KCNT1: variants seen among roughly 807,000 people sequenced by gnomAD.
KCNT1 encodes potassium sodium-activated channel subfamily T member 1.
Under a neutral mutation model 147.8 loss-of-function variants are expected in KCNT1, and 78 were observed. The ratio of observed to expected loss-of-function variants is 0.53; its 90% confidence interval spans 0.44 to 0.64. The LOEUF is 0.64. KCNT1 is among the 30% of genes least tolerant of loss of function. KCNT1 has a pLI of 0.00. For missense variants in KCNT1, 1,419 were observed against 1,750.3 expected (o/e 0.81, Z 3.38); for synonymous variants, 867 against 748.8 (o/e 1.16, Z -2.58).
intron 2 of KCNT1, among the ~76,000 whole-genome samples, chr9:135,721,845 C>G (rs1048824027): frequency 2.6e-5 from 4 of 152,200 alleles, no homozygotes; most frequent in Non-Finnish European, 5.9e-5. Flanking sequence ...TCTCCTGGGC[C>G]CCCTACCAGG....
At position 135,752,590 on chromosome 9, in the gene KCNT1, G is replaced by A. The variant is rs1165086639; in HGVS notation, c.435-1347G>A. 1.1e-5 allele frequency: 4 copies of A among 356,798 alleles called. No homozygotes were observed. In the East Asian group the frequency reaches 3.1e-4, roughly 27 times the overall value. The allele number at this position is 356,798 out of a possible 1,614,324, so 22.1% of individuals were successfully genotyped here. On this transcript the variant is annotated intron_variant, in intron 4 of 30. Coordinates refer to ENST00000371757, the MANE Select transcript of KCNT1 (RefSeq NM_020822.3). The surrounding 1 kb of genome is among the most constrained non-coding windows in gnomAD (Gnocchi z 5.1). ...GACATGGATGGGGGTGGGAAGATGG[G>A]TGGATGATGGATGGATGGTTGGATG...
Position 135,753,925 on chromosome 9 carries a change from G to C in KCNT1, c.435-12G>C, listed in dbSNP as rs367739886. 160 of 1,614,040 alleles carry C rather than the reference G, an allele frequency of 9.9e-5. No individual in the cohort carries two copies. Among genetic ancestry groups the C allele is most frequent in the Non-Finnish European group, 1.2e-4 (147 of 1,179,968 alleles). ...GGGGCCAGGGCCGGGCCAGCGCTGTGTCTCTCCACAGCTGGGGCTGCCCAA... is the reference window on the plus strand; with the variant it reads ...GGGGCCAGGGCCGGGCCAGCGCTGTCTCTCTCCACAGCTGGGGCTGCCCAA... On this transcript the variant is annotated splice_polypyrimidine_tract_variant and intron_variant, in intron 4 of 30. Coordinates refer to ENST00000371757, the MANE Select transcript of KCNT1 (RefSeq NM_020822.3).
chr9:135,772,634 T>C (rs1588367005), intron 18 of KCNT1, 81 bp from the exon 19 acceptor site: 1 of 1,050,590 alleles, frequency 9.5e-7, no homozygotes, highest in South Asian at 2.5e-5. Context: ...CAGAGCTGAC[T>C]GTGTTCACCT....
At chr9:135,718,471 C>T (rs758033670) in intron 2 of KCNT1, among the ~76,000 whole-genome samples, 3 of 152,200 alleles carry the variant, frequency 2.0e-5, no homozygotes, top group Non-Finnish European at 4.4e-5. Context: ...CTGGTGTGCC[C>T]GGACACGGCA....
intron 7 of KCNT1, 81 bp downstream of exon 7, chr9:135,757,013 C>A: frequency 1.7e-6 from 2 of 1,154,852 alleles, no homozygotes; most frequent in Non-Finnish European, 2.5e-6. Context: ...CTCCCCCACC[C>A]TCTCCTATTT....
intron 2 of KCNT1, among the ~76,000 whole-genome samples, chr9:135,742,217 C>T (rs936804008): frequency 5.3e-5 from 8 of 152,326 alleles, no homozygotes; most frequent in Non-Finnish European, 7.3e-5. Flanking sequence ...GTGCCTCACC[C>T]GCTGGTCTGG....
chr9:135,713,631 C>G (rs989988434), intron 1 of KCNT1, among the ~76,000 whole-genome samples: 1 of 152,180 alleles, frequency 6.6e-6, no homozygotes, highest in East Asian at 1.9e-4. Context: ...TGCCCCTGCC[C>G]GTGGGGGAGC....
intron 1 of KCNT1, among the ~76,000 whole-genome samples, chr9:135,705,044 C>T (rs1402175616): frequency 2.0e-5 from 3 of 152,220 alleles, no homozygotes; most frequent in Admixed American, 6.5e-5. Flanking sequence ...CCTGTGTCCT[C>T]GCACCCGGCA....
In KCNT1 at chr9:135,792,573, C is replaced by G. The variant is rs900791934; in HGVS notation, c.*412C>G. ...CCAGGAGCCCCGCGTGGGCCACACC[C>G]AACTCAGAGCCGGCCTGAGCGTTCA... On this transcript the variant is annotated 3_prime_UTR_variant, in exon 31 of 31. Coordinates refer to ENST00000371757, the MANE Select transcript of KCNT1 (RefSeq NM_020822.3). The G allele has an allele frequency of 4.1e-5, 7 of 171,012 alleles. No individual in the cohort carries two copies. Among genetic ancestry groups the G allele is most frequent in the African/African-American group, 1.7e-4 (7 of 41,684 alleles). The allele number at this position is 171,012 out of a possible 1,614,324, so 10.6% of individuals were successfully genotyped here.
At chr9:135,784,496 TCCCTCCCTCCCTC>T (rs1833867844) in intron 25 of KCNT1, 26 bp from the exon 26 acceptor site, 1 of 140,690 alleles carries the variant, frequency 7.1e-6, no homozygotes, top group African/African-American at 8.5e-5. Flanking sequence ...CCTCCCTCCC[TCCCTCCCTCCCTC>T]CCTCCCTCCC....
chr9:135,727,793 G>A (rs1049683572), intron 2 of KCNT1, among the ~76,000 whole-genome samples: 27 of 152,348 alleles, frequency 1.8e-4, no homozygotes, highest in African/African-American at 5.3e-4. Context: ...TCCAGAGAGC[G>A]TGGGTCTGTG....
At chr9:135,728,698 C>T (rs561349947) in intron 2 of KCNT1, among the ~76,000 whole-genome samples, 3 of 152,346 alleles carry the variant, frequency 2.0e-5, no homozygotes, top group Admixed American at 1.3e-4. Context: ...GGGAGAGGGG[C>T]AGCCCAAGCC....
At chr9:135,770,730 C>A in intron 17 of KCNT1, 127 bp from the exon 18 acceptor site, 1 of 981,806 alleles carries the variant, frequency 1.0e-6, no homozygotes, top group Non-Finnish European at 1.5e-6. Context: ...TCCCTGACCC[C>A]AAATGGCCCC....
intron 17 of KCNT1, 98 bp downstream of exon 17, chr9:135,770,545 G>GGGGCT: frequency 6.8e-7 from 1 of 1,462,360 alleles, no homozygotes; most frequent in South Asian, 1.4e-5. Flanking sequence ...GCCCTGGGGC[G>GGGGCT]GGGCTGCAGA....
At chr9:135,782,300 G>A (rs1234030881) in intron 24 of KCNT1, among the ~76,000 whole-genome samples, 1 of 152,230 alleles carries the variant, frequency 6.6e-6, no homozygotes, top group African/African-American at 2.4e-5. Flanking sequence ...AAGGCTCTCA[G>A]AGCCCCGGTG....
rs138533589 is a variant in KCNT1, at chr9:135,784,871, C to T, written c.3138C>T (p.His1046=). Residue 1046 remains histidine (H), a synonymous_variant, in exon 27 of 31, where the codon CAC becomes CAT. Transcript: ENST00000371757. ...IPIGIYRTES[H]VFSTSEPHDL... ...TTGGCATCTACCGGACAGAGAGCCA[C>T]GTCTTCTCCACCTCGGAGGTTCTGG... 99 of 1,612,638 alleles carry T rather than the reference C, an allele frequency of 6.1e-5. No individual in the cohort carries two copies. The highest frequency in any genetic ancestry group is 3.3e-4 in the Middle Eastern group (2 of 6,062).
intron 19 of KCNT1, 59 bp from the exon 20 acceptor site, chr9:135,775,251 C>T: frequency 1.4e-6 from 2 of 1,384,924 alleles, no homozygotes; most frequent in South Asian, 2.6e-5. Flanking sequence ...AGGGGGGCCC[C>T]AGAGCAGACC....
Position 135,779,480 on chromosome 9 carries a change from C to T in KCNT1, c.2841+10C>T, listed in dbSNP as rs765179799. ...TTCCAAACTAGAAAAGGTGAGCAGC[C>T]CTGCCCCGTGCCAGCTGCCACCCCA... is the stretch of plus-strand genomic sequence containing the variant. On this transcript the variant is annotated intron_variant, in intron 24 of 30. Transcript: ENST00000371757. The T allele has an allele frequency of 4.0e-5, 63 of 1,581,942 alleles. No homozygotes were observed. The Admixed American group carries it at 1.1e-3, about 26-fold the overall frequency.
At chr9:135,753,390 G>A (rs1025731074) in intron 4 of KCNT1, among the ~76,000 whole-genome samples, 8 of 152,260 alleles carry the variant, frequency 5.3e-5, no homozygotes, top group East Asian at 1.9e-4. Context: ...GGTCACTGTC[G>A]CAGCAGCTGG....
Sources: allele counts gnomAD v4.1 joint callset (sites outside exome capture counted in the v4.1 genomes callset), GRCh38; gene constraint gnomAD v4.1.1; non-coding constraint Gnocchi (gnomAD v3.1); transcripts MANE v1.5; gene names NCBI Gene and HGNC (gene_info 2026-07-23, HGNC 2026-07-21).